The following LSAMP variants were observed in gnomAD, a reference collection of about 807,000 sequenced individuals.
LSAMP encodes the protein limbic system associated membrane protein.
LSAMP carries 7 observed loss-of-function variants against 38.6 expected under a neutral mutation model. The ratio of observed to expected loss-of-function variants is 0.18; its 90% CI spans 0.10 to 0.34. LSAMP has a LOEUF of 0.34. Among genes scored for constraint, LSAMP ranks in the 10% least tolerant of loss-of-function variants. LSAMP has a pLI of 1.00. For synonymous variants in LSAMP, 154 were observed against 166.8 expected, an observed-to-expected ratio of 0.92 and a Z score of 0.59; for missense variants, 313 against 420.0, an observed-to-expected ratio of 0.75 and a Z score of 2.23.
intron 3 of LSAMP, among the ~76,000 whole-genome samples, chr3:115,898,385 C>G (rs2107475425): frequency 6.6e-6 from 1 of 152,082 alleles, no homozygotes; most frequent in East Asian, 1.9e-4. Flanking sequence ...CAGGGCAAGC[C>G]ATAAGGTGCA....
At chr3:116,269,358 T>C (rs144410481) in intron 1 of LSAMP, among the ~76,000 whole-genome samples, 2 of 151,936 alleles carry the variant, frequency 1.3e-5, no homozygotes, top group East Asian at 3.9e-4. Flanking sequence ...ATATACCCTG[T>C]TCACATTTAC....
intron 1 of LSAMP, among the ~76,000 whole-genome samples, chr3:116,440,561 T>A (rs1457697625): frequency 6.6e-6 from 1 of 152,216 alleles, no homozygotes; most frequent in Non-Finnish European, 1.5e-5. Flanking sequence ...GGCCACAATT[T>A]GCTTTTCTTG....
intron 3 of LSAMP, among the ~76,000 whole-genome samples, chr3:115,921,376 A>G (rs1250609770): frequency 6.6e-6 from 1 of 152,056 alleles, no homozygotes; most frequent in African/African-American, 2.4e-5. Context: ...CTTTGTGCCT[A>G]CAAAAAGCAT....
At chr3:116,058,062 G>A (rs1431026870) in intron 2 of LSAMP, among the ~76,000 whole-genome samples, 1 of 151,900 alleles carries the variant, frequency 6.6e-6, no homozygotes, top group Non-Finnish European at 1.5e-5. Context: ...GGAGTTAGAT[G>A]CCATACATTT....
At chr3:115,944,990 C>A (rs1305874568) in intron 3 of LSAMP, among the ~76,000 whole-genome samples, 1 of 152,058 alleles carries the variant, frequency 6.6e-6, no homozygotes, top group East Asian at 1.9e-4. Context: ...ATATTAAGTA[C>A]CATTTTTTTT....
rs992294172 is a variant in LSAMP at position 115,806,517 on chromosome 3, G to A, written c.*3800C>T. On this transcript the variant is annotated 3_prime_UTR_variant, in exon 7 of 7. Coordinates refer to ENST00000490035, the MANE Select transcript of LSAMP (RefSeq NM_002338.5). ...ATAACTCAAACAATTTCATGCTGAG[G>A]AGTTTAGCTTTTGTGTGCAAAGGAG... The A allele has an allele frequency of 3.3e-5, 5 of 152,164 alleles. No individual in the cohort carries two copies. Among genetic ancestry groups the A allele is most frequent in the Admixed American group, 3.3e-4 (5 of 15,280 alleles). 9.4% of individuals were successfully genotyped at this position (152,164 alleles called of 1,614,324 possible).
chr3:116,141,188 A>G (rs1415602101), intron 1 of LSAMP, among the ~76,000 whole-genome samples: 1 of 151,948 alleles, frequency 6.6e-6, no homozygotes, highest in Non-Finnish European at 1.5e-5. Flanking sequence ...TTATATAAAG[A>G]TGTATTTACG....
At chr3:115,825,297 G>T (rs1018417559) in intron 6 of LSAMP, among the ~76,000 whole-genome samples, 15 of 152,114 alleles carry the variant, frequency 9.9e-5, no homozygotes, top group African/African-American at 3.4e-4. Flanking sequence ...TTCTGCTTTG[G>T]ACTACTTCCA....
intron 2 of LSAMP, among the ~76,000 whole-genome samples, chr3:116,055,475 G>A (rs954683286): frequency 2.0e-5 from 3 of 152,126 alleles, no homozygotes; most frequent in Non-Finnish European, 2.9e-5. Flanking sequence ...TTAGAATGAC[G>A]TAGGTAAGTT....
At chr3:115,910,432 A>G (rs1380732913) in intron 3 of LSAMP, among the ~76,000 whole-genome samples, 1 of 152,190 alleles carries the variant, frequency 6.6e-6, no homozygotes, top group Non-Finnish European at 1.5e-5. Context: ...TCTCTAGCTA[A>G]CTACTCTACC....
At chr3:116,040,203 C>G (rs1941138871) in intron 2 of LSAMP, among the ~76,000 whole-genome samples, 1 of 152,130 alleles carries the variant, frequency 6.6e-6, no homozygotes, top group Non-Finnish European at 1.5e-5. Context: ...TGATTCTGAC[C>G]TCACTCCAGT....
chr3:116,219,184 A>G (rs760840385), intron 1 of LSAMP, among the ~76,000 whole-genome samples: 2 of 152,202 alleles, frequency 1.3e-5, no homozygotes, highest in African/African-American at 4.8e-5. Flanking sequence ...AGATACCTCA[A>G]ATAAATGAAT....
intron 3 of LSAMP, among the ~76,000 whole-genome samples, chr3:115,918,707 GTTT>G (rs11391475): frequency 1.5e-5 from 2 of 135,218 alleles, no homozygotes; most frequent in Non-Finnish European, 3.1e-5. Context: ...TAAAGAACAG[GTTT>G]TTTTTTTTTT....
chr3:116,040,421 G>A (rs1317199947), intron 2 of LSAMP, among the ~76,000 whole-genome samples: 1 of 144,822 alleles, frequency 6.9e-6, no homozygotes, highest in Non-Finnish European at 1.5e-5. Flanking sequence ...AGCTCATCTG[G>A]ACAAAAAAAC....
At chr3:116,221,046 G>A (rs908627179) in intron 1 of LSAMP, among the ~76,000 whole-genome samples, 1 of 150,730 alleles carries the variant, frequency 6.6e-6, no homozygotes, top group Non-Finnish European at 1.5e-5. Flanking sequence ...CCAGCTACTT[G>A]CGAGGGTGAG....
chr3:116,384,940 T>C (rs2048605883), intron 1 of LSAMP, among the ~76,000 whole-genome samples: 1 of 148,454 alleles, frequency 6.7e-6, no homozygotes, highest in East Asian at 1.9e-4. Flanking sequence ...CAACACCGAC[T>C]AGAATACGTG....
chr3:116,387,106 T>C (rs1365413011), intron 1 of LSAMP, among the ~76,000 whole-genome samples: 1 of 152,154 alleles, frequency 6.6e-6, no homozygotes, highest in African/African-American at 2.4e-5. Flanking sequence ...GTATTGACTT[T>C]ATACTGTAAG....
chr3:116,015,360 A>G (rs1028413284), intron 3 of LSAMP, among the ~76,000 whole-genome samples: 1 of 152,136 alleles, frequency 6.6e-6, no homozygotes, highest in African/African-American at 2.4e-5. Context: ...GAGAAGAAAG[A>G]CTTAGAAACG....
intron 1 of LSAMP, among the ~76,000 whole-genome samples, chr3:116,172,688 T>C (rs1163659609): frequency 1.3e-5 from 2 of 151,938 alleles, no homozygotes; most frequent in Non-Finnish European, 2.9e-5. Flanking sequence ...CAGAATCATG[T>C]TGTTGAGAGG....
Sources: allele counts gnomAD v4.1 joint callset (sites outside exome capture counted in the v4.1 genomes callset), GRCh38; gene constraint gnomAD v4.1.1; transcripts MANE v1.5; gene names NCBI Gene and HGNC (gene_info 2026-07-23, HGNC 2026-07-21).